WNT5A: variants seen among roughly 807,000 people sequenced by gnomAD.
WNT5A encodes Wnt family member 5A, also known as protein Wnt-5a.
Under a neutral mutation model 42.1 loss-of-function variants are expected in WNT5A, and 9 were observed. That is an observed-to-expected ratio of 0.21 (90% CI 0.13 to 0.37). WNT5A has a LOEUF of 0.37. WNT5A is among the 10% of genes least tolerant of loss of function. The pLI is 1.00. For missense variants in WNT5A, 426 were observed against 534.0 expected (o/e 0.80, Z 1.99); for synonymous variants, 210 against 210.0 (o/e 1.00, Z 0.00).
chr3:55,501,580 C>G, the WNT5A span: 2 of 152,182 alleles, frequency 1.3e-5, no homozygotes, highest in African/African-American at 4.8e-5. Flanking sequence ...TGTACAAAAT[C>G]TGGAATCCAA....
At position 55,480,887 on chromosome 3, in the gene WNT5A, G is replaced by A; in HGVS notation, c.38C>T (p.Ala13Val). 1 of 1,588,212 alleles carries A rather than the reference G, an allele frequency of 6.3e-7. No individual in the cohort carries two copies. The change falls in exon 2 of 5, where the codon GCT (alanine) becomes GTT (valine). Residue 13 changes from alanine to valine, a missense_variant. Transcript: ENST00000264634. ...CATTGCACTTCCAGCCATCCCCAAA[G>A]CAACTCCTGGGCTTAATATTCCAAT... ...KSIGILSPGV[A>V]LGMAGSAMSS... is the part of the protein sequence containing the mutation.
chr3:55,504,201 G>A, the WNT5A span, among the ~76,000 whole-genome samples: 4 of 152,104 alleles, frequency 2.6e-5, no homozygotes, highest in South Asian at 4.2e-4. Context: ...CCTGGGAGGC[G>A]GAGGTTGCAG....
intron 2 of WNT5A, 29 bp downstream of exon 2, chr3:55,480,756 G>C (rs1336717952): frequency 1.2e-5 from 18 of 1,498,726 alleles, no homozygotes; most frequent in Non-Finnish European, 1.6e-5. Flanking sequence ...AAAAAGAAGA[G>C]GAAGAACACG....
intron 4 of WNT5A, among the ~76,000 whole-genome samples, chr3:55,472,693 T>C (rs145501379): frequency 0.011 from 1,676 of 152,274 alleles, 22 homozygotes; most frequent in South Asian, 0.017. Context: ...CAAAATTCTG[T>C]AGAGTTTAGT....
chr3:55,473,391 T>C (rs2051288171), intron 4 of WNT5A, among the ~76,000 whole-genome samples: 1 of 152,214 alleles, frequency 6.6e-6, no homozygotes, highest in African/African-American at 2.4e-5. Flanking sequence ...TGGTTTTCAA[T>C]GCTGCCAAAG....
the WNT5A span, among the ~76,000 whole-genome samples, chr3:55,499,392 T>C: frequency 4.6e-5 from 7 of 152,130 alleles, no homozygotes; most frequent in African/African-American, 1.7e-4. Flanking sequence ...GGAGTTTCTC[T>C]TAGAGACAGA....
In WNT5A at chr3:55,480,794, T is replaced by C. The variant is rs1025253935; in HGVS notation, c.131A>G (p.Asn44Ser). The C allele has an allele frequency of 4.5e-6, 7 of 1,563,216 alleles. No individual in the cohort carries two copies. The highest frequency in any genetic ancestry group is 2.3e-5 in the East Asian group (1 of 42,954). ...CATAGAATGAACTTACCACCAAGAA[T>C]TGGCTTCAATTACAACCTGGGCGAA... Reference protein sequence around the residue: ...FSFAQVVIEANSWWSLGMNNP... With the variant: ...FSFAQVVIEASSWWSLGMNNP... Residue 44 changes from asparagine to serine, a missense_variant, in exon 2 of 5, where the codon AAT becomes AGT. Around this residue, in one of 3 missense-constraint regions of WNT5A, gnomAD observed 6 missense variants for 16.9 expected, o/e 0.35. Coordinates refer to ENST00000264634, the MANE Select transcript of WNT5A (RefSeq NM_003392.7).
the WNT5A span, chr3:55,505,225 A>T: frequency 6.6e-6 from 1 of 152,240 alleles, no homozygotes; most frequent in Admixed American, 6.5e-5. Context: ...AAGGGGAAGC[A>T]AGGCACTTTC....
At chr3:55,481,233 C>T (rs934641079) in intron 1 of WNT5A, 1 of 954,866 alleles carries the variant, frequency 1.0e-6, no homozygotes, top group Non-Finnish European at 1.3e-6. Context: ...GCTCGAGTCC[C>T]GCACCCCCTG....
chr3:55,503,321 G>A, the WNT5A span, among the ~76,000 whole-genome samples: 1 of 152,132 alleles, frequency 6.6e-6, no homozygotes, highest in African/African-American at 2.4e-5. Flanking sequence ...CATTTGTTCA[G>A]GATCTATTAT....
intron 3 of WNT5A, 52 bp from the exon 4 acceptor site, chr3:55,474,681 G>A (rs948477923): frequency 2.2e-6 from 3 of 1,338,578 alleles, no homozygotes; most frequent in Non-Finnish European, 2.9e-6. Flanking sequence ...CGCTGGGCCG[G>A]GATGCTGCCG....
Position 55,483,513 on chromosome 3 carries a change from C to T in WNT5A, c.7-2595G>A, listed in dbSNP as rs2051510245. 6.6e-6 allele frequency among the ~76,000 whole-genome samples: 1 copy of T among 152,190 alleles called. No homozygotes were observed. The highest frequency in any genetic ancestry group is 2.4e-5 in the African/African-American group (1 of 41,444). Reference sequence around the variant, plus strand: ...AGACCTCTGGGGAGACTGTCAACCCCAGGGGTAAAACAAAAATTCTGATCA... The same window carrying T: ...AGACCTCTGGGGAGACTGTCAACCCTAGGGGTAAAACAAAAATTCTGATCA... On this transcript the variant is annotated intron_variant, in intron 1 of 4. Transcript: ENST00000264634. This position sits in a 1 kb window ranked among gnomAD's most constrained non-coding sequence, Gnocchi z 4.2.
At chr3:55,488,601 G>T (rs959702919), upstream of WNT5A, among the ~76,000 whole-genome samples, 8 of 152,044 alleles carry the variant, frequency 5.3e-5, 1 homozygote, top group Non-Finnish European at 5.9e-5. Context: ...GGGCTGGGGT[G>T]CCGGGAGGCG....
the WNT5A span, among the ~76,000 whole-genome samples, chr3:55,502,759 T>C: frequency 2.6e-5 from 4 of 152,242 alleles, no homozygotes; most frequent in Non-Finnish European, 5.9e-5. Context: ...CTACGGATTT[T>C]GGACATAGGC....
Position 55,479,501 on chromosome 3 carries a change from G to C in WNT5A, c.204C>G (p.Leu68=), listed in dbSNP as rs772390961. 3 of 1,614,002 alleles carry C rather than the reference G, an allele frequency of 1.9e-6. No individual in the cohort carries two copies. Among genetic ancestry groups the C allele is most frequent in the African/African-American group, 1.3e-5 (1 of 75,056 alleles). ...GAGAAAGTCCTGCCAGTTGGCTGCA[G>C]AGAGGCTGTGCTCCTATAATATATA... ...SEVYIIGAQP[L]CSQLAGLSQG... Residue 68 remains leucine, a synonymous_variant, in exon 3 of 5, where the codon CTC becomes CTG. Coordinates refer to ENST00000264634, the MANE Select transcript of WNT5A (RefSeq NM_003392.7).
At chr3:55,501,568 A>C in the WNT5A span, 1 of 152,222 alleles carries the variant, frequency 6.6e-6, no homozygotes, top group Non-Finnish European at 1.5e-5. Flanking sequence ...TGATCTTTGA[A>C]TTGTACAAAA....
chr3:55,497,373 CAAGT>C, the WNT5A span: 2 of 152,242 alleles, frequency 1.3e-5, no homozygotes, highest in Non-Finnish European at 1.5e-5. Context: ...GTCCAGCAAG[CAAGT>C]GAGTCACTCA....
upstream of WNT5A, among the ~76,000 whole-genome samples, chr3:55,494,695 C>T (rs967663019): frequency 7.2e-5 from 11 of 152,128 alleles, no homozygotes; most frequent in South Asian, 2.1e-4. Flanking sequence ...CCTGCCACCA[C>T]GCCTGGCTAA....
the WNT5A span, among the ~76,000 whole-genome samples, chr3:55,500,951 C>A: frequency 2.0e-5 from 3 of 152,328 alleles, no homozygotes; most frequent in Non-Finnish European, 4.4e-5. Flanking sequence ...AGAGGTAGAA[C>A]GTTTTCTCTC....
Sources: gnomAD v4.1 joint callset for allele counts (sites outside exome capture counted in the v4.1 genomes callset) on GRCh38, gnomAD v4.1.1 for gene constraint, gnomAD v4.1.1 regional missense constraint, Gnocchi (gnomAD v3.1) non-coding constraint, MANE v1.5 for transcripts, NCBI Gene and HGNC (gene_info 2026-07-23, HGNC 2026-07-21) for gene names.